The following TXN2 variants were observed in gnomAD, a reference collection of about 807,000 sequenced individuals.
TXN2 encodes thioredoxin, mitochondrial.
A neutral mutation model predicts 14.6 loss-of-function variants in TXN2; 12 were observed. The ratio of observed to expected loss-of-function variants is 0.82; its 90% CI spans 0.53 to 1.33. TXN2 has a LOEUF of 1.33. Ranked by LOEUF, TXN2 falls within the 40% of genes most tolerant of loss-of-function variation. The pLI is 0.00. For missense variants in TXN2, 173 were observed against 207.7 expected (o/e 0.83, Z 1.03); for synonymous variants, 89 against 81.0 (o/e 1.10, Z -0.53).
rs148419277 is a variant in TXN2, at chr22:36,476,610, A to G, written c.387+123T>C. On this transcript the variant is annotated intron_variant, in intron 3 of 3. Coordinates refer to ENST00000216185, the MANE Select transcript of TXN2 (RefSeq NM_012473.4). ...CCGTCTCAAAAAAAAAAAGCTCTGG[A>G]AAAACCAAGACACCTTGCTTACTGG... 621 of 1,404,856 alleles carry G rather than the reference A, an allele frequency of 4.4e-4. 3 individuals carry two copies. The African/African-American group carries it at 7.6e-3, about 17-fold the overall frequency. The allele number at this position is 1,404,856 out of a possible 1,614,324, so 87.0% of individuals were successfully genotyped here. A position where few individuals can be genotyped will look rare whatever the true frequency, so the allele number is the denominator to read the frequency against.
chr22:36,471,295 C>A (rs147762704), intron 3 of TXN2, among the ~76,000 whole-genome samples: 71 of 152,306 alleles, frequency 4.7e-4, no homozygotes, highest in South Asian at 1.0e-3. Flanking sequence ...TGGATAAAGA[C>A]CCTCTGAACT....
chr22:36,474,240 C>T (rs1453014356), intron 3 of TXN2, among the ~76,000 whole-genome samples: 1 of 152,208 alleles, frequency 6.6e-6, no homozygotes, highest in Non-Finnish European at 1.5e-5. Flanking sequence ...GTTCCTAACT[C>T]CCAAAGCAGG....
Position 36,480,704 on chromosome 22 carries a change from G to A in TXN2, c.134C>T (p.Thr45Ile). Residue 45 changes from threonine (T) to isoleucine (I), a missense_variant, in exon 2 of 4, where the codon ACA (threonine) becomes ATA (isoleucine). Physicochemically the swap from Thr to Ile is moderately conservative, Grantham distance 89. Coordinates refer to ENST00000216185, the MANE Select transcript of TXN2 (RefSeq NM_012473.4). ...PQCSPGGLTV[T>I]PNPARTIYTT... ...GTATATTGTCCGGGCTGGGTTGGGT[G>A]TTACAGTCAGGCCACCAGGACTGCA... The A allele has an allele frequency of 6.2e-7, 1 of 1,614,158 alleles. No homozygotes were observed. Among genetic ancestry groups the A allele is most frequent in the Non-Finnish European group, 8.5e-7 (1 of 1,180,034 alleles).
chr22:36,475,524 A>C (rs57582679), intron 3 of TXN2, among the ~76,000 whole-genome samples: 3,669 of 152,316 alleles, frequency 0.024, 145 homozygotes, highest in African/African-American at 0.085. Flanking sequence ...TTTTGTAAAT[A>C]AAGTTTTATT....
intron 2 of TXN2, among the ~76,000 whole-genome samples, chr22:36,478,751 G>C (rs1485985163): frequency 1.3e-5 from 2 of 151,712 alleles, no homozygotes; most frequent in African/African-American, 4.8e-5. Flanking sequence ...AATCACCTGT[G>C]GTCAGGAGTT....
At chr22:36,479,034 G>A (rs1018906710) in intron 2 of TXN2, among the ~76,000 whole-genome samples, 3 of 152,128 alleles carry the variant, frequency 2.0e-5, no homozygotes, top group African/African-American at 7.2e-5. Flanking sequence ...GGCCAAGGTG[G>A]GAGGATTGCT....
chr22:36,476,959 T>C, intron 2 of TXN2, 103 bp from the exon 3 acceptor site: 1 of 1,542,642 alleles, frequency 6.5e-7, no homozygotes, highest in Non-Finnish European at 8.7e-7. Flanking sequence ...TTTGCCCTTA[T>C]TATCTCTGTT....
In TXN2 at chr22:36,476,771, C is replaced by T. The variant is rs150850412; in HGVS notation, c.349G>A (p.Asp117Asn). 5.4e-5 allele frequency: 87 copies of T among 1,614,186 alleles called. No homozygotes were observed. The African/African-American group carries it at 1.1e-3, about 20-fold the overall frequency. The change falls in exon 3 of 4, where the codon GAT (aspartate) becomes AAT (asparagine). Residue 117 changes from aspartate (D) to asparagine (N), a missense_variant. By Grantham distance (23) the Asp-to-Asn change is conservative. Transcript: ENST00000216185. ...QHGKVVMAKV[D>N]IDDHTDLAIE... ...GCGAGGTCTGTGTGGTCATCAATAT[C>T]CACCTTGGCCATCACCACCTTCCCG...
At chr22:36,474,814 C>A (rs530571802) in intron 3 of TXN2, among the ~76,000 whole-genome samples, 1 of 152,302 alleles carries the variant, frequency 6.6e-6, no homozygotes, top group South Asian at 2.1e-4. Flanking sequence ...TCCCCAGCTC[C>A]GTACTCGGCC....
chr22:36,476,985 T>G, intron 2 of TXN2, 129 bp from the exon 3 acceptor site: 1 of 1,454,832 alleles, frequency 6.9e-7, no homozygotes, highest in Non-Finnish European at 9.2e-7. Flanking sequence ...TGTTTAAAAA[T>G]TAACACACCA....
At chr22:36,468,502 T>C (rs912281475) in intron 3 of TXN2, 9 of 307,970 alleles carry the variant, frequency 2.9e-5, no homozygotes, top group Non-Finnish European at 5.2e-5. Context: ...GGCTGGAGGA[T>C]TGCTTGAGTT....
chr22:36,480,424 C>A, intron 2 of TXN2, 151 bp downstream of exon 2: 2 of 897,362 alleles, frequency 2.2e-6, no homozygotes, highest in Non-Finnish European at 1.6e-6. Flanking sequence ...CACCAGACTG[C>A]ATTCCCCTTG....
At position 36,480,800 on chromosome 22, in the gene TXN2, G is replaced by A. The variant is rs1023266570; in HGVS notation, c.38C>T (p.Ser13Phe). Residue 13 changes from serine to phenylalanine, a missense_variant, in exon 2 of 4, where the codon TCT (serine) becomes TTT (phenylalanine). By Grantham distance (155) the Ser-to-Phe change is radical. Transcript: ENST00000216185. ...QRLLLRRFLA[S>F]VISRKPSQGQ... ...CTGAGAGGGCTTCCTGGAGATGACA[G>A]AGGCCAGGAACCTCCTCAGAAGAAG... The A allele has an allele frequency of 9.9e-6, 16 of 1,608,346 alleles. No homozygotes were observed. The highest frequency in any genetic ancestry group is 1.4e-5 in the Non-Finnish European group (16 of 1,176,432).
rs1933186140 is a variant in TXN2, at chr22:36,467,580, T to C, written c.*224A>G. ...GCCCTAGAAGGAGGGATGAAAGGCG[T>C]ATGGGAGGGAAGACAGCGGTCCCCG... On this transcript the variant is annotated 3_prime_UTR_variant, in exon 4 of 4. Transcript: ENST00000216185. 3.8e-6 allele frequency: 2 copies of C among 529,664 alleles called. No individual in the cohort carries two copies. Among genetic ancestry groups the C allele is most frequent in the Non-Finnish European group, 6.9e-6 (2 of 291,536 alleles). The allele number at this position is 529,664 out of a possible 1,614,324, so 32.8% of individuals were successfully genotyped here.
chr22:36,481,092 A>T, intron 1 of TXN2: 1 of 409,994 alleles, frequency 2.4e-6, no homozygotes, highest in Non-Finnish European at 4.4e-6. Flanking sequence ...ATAACGGAAG[A>T]ATGGGAGGAA....
chr22:36,472,103 G>T (rs1421149391), intron 3 of TXN2, among the ~76,000 whole-genome samples: 1 of 152,198 alleles, frequency 6.6e-6, no homozygotes, highest in East Asian at 1.9e-4. Context: ...GCAGGGGGAA[G>T]AACGTGGGGA....
In TXN2 at chr22:36,477,775, A is replaced by C. The variant is rs115972302; in HGVS notation, c.264-919T>G. Among the ~76,000 whole-genome samples the C allele has an allele frequency of 3.2e-3, 491 of 152,286 alleles. 3 individuals carry two copies. The highest frequency in any genetic ancestry group is 0.011 in the African/African-American group (470 of 41,558). ...TTCCAAAGAAACTGAAGCCCATACG[A>C]GTTAAGAAACCTGTGCAAGATTAGA... On this transcript the variant is annotated intron_variant, in intron 2 of 3. Transcript: ENST00000216185.
chr22:36,476,353 G>A (rs1933385328), intron 3 of TXN2, among the ~76,000 whole-genome samples: 1 of 152,158 alleles, frequency 6.6e-6, no homozygotes. Flanking sequence ...AGCACTTTGG[G>A]AGGCCAAGGT....
At position 36,467,729 on chromosome 22, in the gene TXN2, G is replaced by T. The variant is rs562935309; in HGVS notation, c.*75C>A. ...GAGCCAGACAGGAGGGAGGCAGCAG[G>T]AAGGGCTGGCATGGAAGGGCTGAGT... On this transcript the variant is annotated 3_prime_UTR_variant, in exon 4 of 4. Coordinates refer to ENST00000216185, the MANE Select transcript of TXN2 (RefSeq NM_012473.4). The T allele has an allele frequency of 2.5e-5, 32 of 1,288,488 alleles. No individual in the cohort carries two copies. Among genetic ancestry groups the T allele is most frequent in the Non-Finnish European group, 2.5e-5 (22 of 887,906 alleles). 79.8% of individuals were successfully genotyped at this position (1,288,488 alleles called of 1,614,324 possible). A position where few individuals can be genotyped will look rare whatever the true frequency, so the allele number is the denominator to read the frequency against.
Sources: gnomAD v4.1 joint callset for allele counts (sites outside exome capture counted in the v4.1 genomes callset) on GRCh38, gnomAD v4.1.1 for gene constraint, MANE v1.5 for transcripts, NCBI Gene and HGNC (gene_info 2026-07-23, HGNC 2026-07-21) for gene names.